The following SLC75A1 variants were observed in gnomAD, a reference collection of about 807,000 sequenced individuals.
SLC75A1 encodes major facilitator superfamily domain containing 10.
At chr4:2,932,152 G>T in the SLC75A1 span, 1 of 1,604,002 alleles carries the variant, frequency 6.2e-7, no homozygotes, top group Non-Finnish European at 8.5e-7. Context: ...GATAGAGGGC[G>T]CCTGTGGGGA....
the SLC75A1 span, chr4:2,930,926 C>T: frequency 5.6e-6 from 9 of 1,612,928 alleles, no homozygotes; most frequent in Admixed American, 3.3e-5. Flanking sequence ...CGTGGTGAAG[C>T]AGGCCTGGGC....
At chr4:2,932,787 G>A in the SLC75A1 span, 7 of 1,534,358 alleles carry the variant, frequency 4.6e-6, no homozygotes, top group African/African-American at 9.7e-5. Context: ...CAAGAGGCAG[G>A]GGCGGTCGCT....
At chr4:2,932,461 C>G in the SLC75A1 span, 3 of 1,613,578 alleles carry the variant, frequency 1.9e-6, no homozygotes, top group South Asian at 1.1e-5. Flanking sequence ...AGGGAGGCTC[C>G]GAGCATAGGG....
At chr4:2,931,942 G>A in the SLC75A1 span, 2 of 1,605,578 alleles carry the variant, frequency 1.2e-6, no homozygotes, top group Non-Finnish European at 1.7e-6. Context: ...GAGCCCTGGG[G>A]AGAGGTGGCG....
At chr4:2,931,522 T>G in the SLC75A1 span, 2 of 1,600,972 alleles carry the variant, frequency 1.2e-6, no homozygotes, top group East Asian at 2.3e-5. Flanking sequence ...CTCAGGGGAC[T>G]GCCTGCCACC....
the SLC75A1 span, chr4:2,931,899 G>A: frequency 3.8e-5 from 61 of 1,611,474 alleles, no homozygotes; most frequent in African/African-American, 7.1e-4. Context: ...AGAGGTAGAG[G>A]AAGTAGACTA....
the SLC75A1 span, chr4:2,933,753 G>T: frequency 1.2e-6 from 2 of 1,601,700 alleles, no homozygotes; most frequent in Non-Finnish European, 8.5e-7. Flanking sequence ...AAGGACTCAC[G>T]TGGGCACGGC....
At chr4:2,932,811 G>A in the SLC75A1 span, 1 of 1,522,734 alleles carries the variant, frequency 6.6e-7, no homozygotes, top group South Asian at 1.3e-5. Context: ...GGCCAGGAGT[G>A]GCTCAGAGTA....
At chr4:2,933,532 T>TAGAGAGCCCGCCAAGGGC in the SLC75A1 span, 1 of 1,607,482 alleles carries the variant, frequency 6.2e-7, no homozygotes, top group East Asian at 2.2e-5. Context: ...CATAGGACCG[T>TAGAGAGCCCGCCAAGGGC]AGAGAGCCCG....
the SLC75A1 span, chr4:2,932,314 A>C: frequency 3.1e-6 from 5 of 1,596,518 alleles, no homozygotes; most frequent in Admixed American, 1.7e-5. Flanking sequence ...TCAAGCCTCC[A>C]GCCCCTAGGC....
chr4:2,933,756 G>A, the SLC75A1 span: 2 of 1,600,822 alleles, frequency 1.2e-6, no homozygotes, highest in Non-Finnish European at 1.7e-6. Flanking sequence ...GACTCACGTG[G>A]GCACGGCCGT....
At chr4:2,932,363 G>C in the SLC75A1 span, 1 of 1,612,920 alleles carries the variant, frequency 6.2e-7, no homozygotes, top group Non-Finnish European at 8.5e-7. Context: ...GTTTCTCCAG[G>C]GGCAGCGTCT....
chr4:2,932,939 T>C, the SLC75A1 span: 1 of 1,042,806 alleles, frequency 9.6e-7, no homozygotes. Context: ...AGCCTGGCTC[T>C]GGAACAGGAG....
At chr4:2,931,708 C>A in the SLC75A1 span, 1 of 1,581,512 alleles carries the variant, frequency 6.3e-7, no homozygotes, top group East Asian at 2.3e-5. Flanking sequence ...GCAGGGCCAC[C>A]CAGGGCAGGG....
chr4:2,931,846 T>C, the SLC75A1 span: 2 of 1,606,346 alleles, frequency 1.2e-6, no homozygotes, highest in Non-Finnish European at 8.5e-7. Context: ...GAAGCGCTGG[T>C]GTGTGAGGAA....
chr4:2,930,642 C>T, the SLC75A1 span: 1 of 615,412 alleles, frequency 1.6e-6, no homozygotes, highest in Non-Finnish European at 2.9e-6. Context: ...GCCCTGACAG[C>T]CTTGGAGTGC....
the SLC75A1 span, chr4:2,931,281 G>A: frequency 1.3e-6 from 2 of 1,553,178 alleles, no homozygotes; most frequent in South Asian, 1.2e-5. Flanking sequence ...GCGGCTGGTG[G>A]GAGACATCGA....
chr4:2,933,049 G>T, the SLC75A1 span: 1 of 1,533,738 alleles, frequency 6.5e-7, no homozygotes, highest in African/African-American at 1.4e-5. Context: ...AACCCCATGG[G>T]GCTACTGGCT....
chr4:2,930,835 C>G, the SLC75A1 span: 1 of 1,612,876 alleles, frequency 6.2e-7, no homozygotes, highest in African/African-American at 1.3e-5. Flanking sequence ...CACAGTGGCT[C>G]AGCTACTCAG....
Sources: gnomAD v4.1 joint callset for allele counts on GRCh38, gnomAD v4.1.1 for gene constraint, MANE v1.5 for transcripts, NCBI Gene and HGNC (gene_info 2026-07-23, HGNC 2026-07-21) for gene names.